The following ASB18 variants were observed in gnomAD, a reference collection of about 807,000 sequenced individuals.
ASB18 encodes the protein ankyrin repeat and SOCS box protein 18.
A neutral mutation model predicts 33.4 loss-of-function variants in ASB18; 33 were observed. The ratio of observed to expected loss-of-function variants is 0.99; its 90% CI spans 0.75 to 1.32. The LOEUF (loss-of-function observed/expected upper bound fraction) is 1.32. Ranked by LOEUF, ASB18 falls within the 40% of genes most tolerant of loss-of-function variation. The pLI is 0.00. For missense variants in ASB18, 694 were observed against 655.5 expected (o/e 1.06, Z -0.64); for synonymous variants, 295 against 307.6 (o/e 0.96, Z 0.43).
rs1335586462 is a variant in ASB18 at position 236,194,846 on chromosome 2, C to T, written c.*26G>A. ...CATGGAAGGTCAGCGAGGAGAACAA[C>T]AGTATTGGTTGCAGCGTTCTGCGTT... On this transcript the variant is annotated 3_prime_UTR_variant, in exon 6 of 6. Transcript: ENST00000409749. This position sits in a 1 kb window ranked among gnomAD's most constrained non-coding sequence, Gnocchi z 4.5. 5 of 1,598,696 alleles carry T rather than the reference C, an allele frequency of 3.1e-6. No homozygotes were observed. The South Asian group carries it at 3.4e-5, about 11-fold the overall frequency.
rs397827646 is a variant in ASB18 at position 236,195,520 on chromosome 2, CTT to C, written c.1216-465_1216-464del. Among the ~76,000 whole-genome samples the C allele has an allele frequency of 2.8e-5, 4 of 144,706 alleles. No individual in the cohort carries two copies. The highest frequency in any genetic ancestry group is 5.1e-5 in the African/African-American group (2 of 39,484). 94.9% of individuals were successfully genotyped at this position (144,706 alleles called of 152,430 possible). A position where few individuals can be genotyped will look rare whatever the true frequency, so the allele number is the denominator to read the frequency against. ...AAACACACACAACTCTTCTCACTCT[CTT>C]TTTTTTTTTTTGAGATGGAGTCTAG... On this transcript the variant is annotated intron_variant, in intron 5 of 5. Transcript: ENST00000409749. The surrounding 1 kb of genome is among the most constrained non-coding windows in gnomAD (Gnocchi z 5.5).
rs1249446633 is a variant in ASB18 at position 236,221,571 on chromosome 2, C to A, written c.597-6705G>T. Among the ~76,000 whole-genome samples the A allele has an allele frequency of 3.3e-5, 5 of 152,174 alleles. No individual in the cohort carries two copies. Among genetic ancestry groups the A allele is most frequent in the African/African-American group, 1.2e-4 (5 of 41,438 alleles). ...GTTCTCATTCTCTCTCTTGCTGCTG[C>A]CTTTCACCTTCCACCTCCCCAGCCA... On this transcript the variant is annotated intron_variant, in intron 3 of 5. Transcript: ENST00000409749. This position sits in a 1 kb window ranked among gnomAD's most constrained non-coding sequence, Gnocchi z 5.6.
At chr2:236,201,338 G>A (rs945869710) in intron 4 of ASB18, among the ~76,000 whole-genome samples, 4 of 151,920 alleles carry the variant, frequency 2.6e-5, no homozygotes, top group African/African-American at 7.3e-5. Flanking sequence ...TTTTTTTGTA[G>A]AGACAAGGTC....
chr2:236,214,690 G>A lies in ASB18; in HGVS notation c.773C>T (p.Ala258Val), dbSNP rs1299574392. The A allele has an allele frequency of 1.7e-6, 2 of 1,144,066 alleles. No individual in the cohort carries two copies. The highest frequency in any genetic ancestry group is 4.9e-5 in the Admixed American group (1 of 20,550). 70.9% of individuals were successfully genotyped at this position (1,144,066 alleles called of 1,614,324 possible). ...GGGCCTCCGCGCCGCACCGCAGGCC[G>A]CGCTCAGAGCCGTCTCTCCGCGGCC... is the stretch of plus-strand genomic sequence containing the variant. ...RNGRGETALS[A>V]ACGAARRPDE... Residue 258 changes from alanine to valine, a missense_variant, in exon 4 of 6, where the codon GCG becomes GTG. Physicochemically the swap from Ala to Val is moderately conservative, Grantham distance 64 (BLOSUM62 0). Coordinates refer to ENST00000409749, the MANE Select transcript of ASB18 (RefSeq NM_212556.4). This position sits in a 1 kb window ranked among gnomAD's most constrained non-coding sequence, Gnocchi z 6.5.
intron 4 of ASB18, among the ~76,000 whole-genome samples, chr2:236,212,476 G>C (rs1176757882): frequency 6.6e-6 from 1 of 152,142 alleles, no homozygotes; most frequent in Non-Finnish European, 1.5e-5. Context: ...GCTAACAAAG[G>C]ATTATTTCTA....
Position 236,260,158 on chromosome 2 carries a change from A to G in ASB18, c.205+3983T>C, listed in dbSNP as rs2060711479. 6.6e-6 allele frequency among the ~76,000 whole-genome samples: 1 copy of G among 152,032 alleles called. No homozygotes were observed. The highest frequency in any genetic ancestry group is 2.4e-5 in the African/African-American group (1 of 41,390). ...ACTTTTCTTTTTCTTATTTTTTCAC[A>G]TTGTCATCTTTAGAATAAAACTCAG... On this transcript the variant is annotated intron_variant, in intron 1 of 5. Transcript: ENST00000409749. This position sits in a 1 kb window ranked among gnomAD's most constrained non-coding sequence, Gnocchi z 5.1.
intron 4 of ASB18, among the ~76,000 whole-genome samples, chr2:236,198,363 A>T (rs2060383997): frequency 6.6e-6 from 1 of 152,084 alleles, no homozygotes; most frequent in South Asian, 2.1e-4. Context: ...ATTTACAAGC[A>T]ATTATCCTTT....
Position 236,262,703 on chromosome 2 carries a change from C to G in ASB18, c.205+1438G>C, listed in dbSNP as rs933147694. Reference sequence around the variant, plus strand: ...TGATGACAACCTCCCCTAAACCCCCCCCAGGGCAATCTTCTAGAGAGATGG... The same window carrying G: ...TGATGACAACCTCCCCTAAACCCCCGCCAGGGCAATCTTCTAGAGAGATGG... On this transcript the variant is annotated intron_variant, in intron 1 of 5. Transcript: ENST00000409749. This position sits in a 1 kb window ranked among gnomAD's most constrained non-coding sequence, Gnocchi z 5.2. 3.3e-5 allele frequency among the ~76,000 whole-genome samples: 5 copies of G among 152,270 alleles called. No individual in the cohort carries two copies. Among genetic ancestry groups the G allele is most frequent in the South Asian group, 2.1e-4 (1 of 4,828 alleles).
rs2060609811 is a variant in ASB18 at position 236,239,131 on chromosome 2, G to A, written c.329-1175C>T. On this transcript the variant is annotated intron_variant, in intron 2 of 5. Coordinates refer to ENST00000409749, the MANE Select transcript of ASB18 (RefSeq NM_212556.4). This position sits in a 1 kb window ranked among gnomAD's most constrained non-coding sequence, Gnocchi z 5.6. ...GAAGACCAGGTCGGATCTGGAGGGG[G>A]TGATGGATGTAGTCTATCTACATTG... Among the ~76,000 whole-genome samples the A allele has an allele frequency of 1.3e-5, 2 of 152,212 alleles. No homozygotes were observed. The highest frequency in any genetic ancestry group is 4.8e-5 in the African/African-American group (2 of 41,454).
intron 4 of ASB18, among the ~76,000 whole-genome samples, chr2:236,212,472 A>G (rs1255994850): frequency 6.6e-6 from 1 of 152,224 alleles, no homozygotes; most frequent in East Asian, 1.9e-4. Context: ...CAAGGCTAAC[A>G]AAGGATTATT....
chr2:236,203,548 G>C lies in ASB18; in HGVS notation c.1102-7163C>G, dbSNP rs12471212. On this transcript the variant is annotated intron_variant, in intron 4 of 5. Coordinates refer to ENST00000409749, the MANE Select transcript of ASB18 (RefSeq NM_212556.4). The surrounding 1 kb of genome is among the most constrained non-coding windows in gnomAD (Gnocchi z 6.0). ...ACTTGCCAGGTATGAGTGGAGGAGA[G>C]GCTGGGTCTGATTTTAATTTTAGAA... is the stretch of plus-strand genomic sequence containing the variant. Among the ~76,000 whole-genome samples, 26,122 of 152,090 alleles carry C rather than the reference G, an allele frequency of 0.17. 2,256 individuals carry two copies. Among genetic ancestry groups the C allele is most frequent in the South Asian group, 0.25 (1,192 of 4,806 alleles).
rs35265987 is a variant in ASB18 at position 236,243,020 on chromosome 2, C to CA, written c.206-1619dup. Among the ~76,000 whole-genome samples the CA allele has an allele frequency of 8.1e-3, 311 of 38,422 alleles. 23 individuals are homozygous for CA. Among genetic ancestry groups the CA allele is most frequent in the African/African-American group, 0.015 (116 of 7,954 alleles). 25.2% of individuals were successfully genotyped at this position (38,422 alleles called of 152,430 possible). ...TGGGCAGTGGAGTGAGACCCTGTCT[C>CA]AAAAAAAAAAAAAAAAAAAAAAAAA... On this transcript the variant is annotated intron_variant, in intron 1 of 5. Coordinates refer to ENST00000409749, the MANE Select transcript of ASB18 (RefSeq NM_212556.4).
At chr2:236,218,699 G>A (rs1206144404) in intron 3 of ASB18, among the ~76,000 whole-genome samples, 1 of 150,886 alleles carries the variant, frequency 6.6e-6, no homozygotes, top group East Asian at 2.0e-4. Flanking sequence ...TGGGGAGGCT[G>A]AGGCAGGAGA....
chr2:236,201,059 C>A (rs2060398628), intron 4 of ASB18, among the ~76,000 whole-genome samples: 1 of 152,022 alleles, frequency 6.6e-6, no homozygotes, highest in Non-Finnish European at 1.5e-5. Context: ...ATAAATTTCC[C>A]TTTGAACGTT....
In ASB18 at chr2:236,245,334, C is replaced by T. The variant is rs556711278; in HGVS notation, c.206-3932G>A. Among the ~76,000 whole-genome samples, 8 of 152,150 alleles carry T rather than the reference C, an allele frequency of 5.3e-5. No individual in the cohort carries two copies. Among genetic ancestry groups the T allele is most frequent in the Non-Finnish European group, 1.0e-4 (7 of 68,028 alleles). ...AGGTTGATACCCTTGATGTCATTTG[C>T]AGGTGAGGAAACTGGGACTCACAGA... is the stretch of plus-strand genomic sequence containing the variant. On this transcript the variant is annotated intron_variant, in intron 1 of 5. Transcript: ENST00000409749. This position sits in a 1 kb window ranked among gnomAD's most constrained non-coding sequence, Gnocchi z 4.7.
At chr2:236,198,040 T>G (rs951697408) in intron 4 of ASB18, among the ~76,000 whole-genome samples, 1 of 152,186 alleles carries the variant, frequency 6.6e-6, no homozygotes, top group African/African-American at 2.4e-5. Flanking sequence ...CTGCCCTGCG[T>G]CATGTCTACT....
In ASB18 at chr2:236,238,099, C is replaced by T. The variant is rs2060604886; in HGVS notation, c.329-143G>A. On this transcript the variant is annotated intron_variant, in intron 2 of 5. Coordinates refer to ENST00000409749, the MANE Select transcript of ASB18 (RefSeq NM_212556.4). The surrounding 1 kb of genome is among the most constrained non-coding windows in gnomAD (Gnocchi z 5.2). ...GCATGTAGGGAGAAGAGGATAGAAT[C>T]AGAGACGCACACAGAGACAGAGAGC... 5.3e-6 allele frequency: 3 copies of T among 561,748 alleles called. No individual in the cohort carries two copies. The African/African-American group carries it at 6.0e-5, about 11-fold the overall frequency. 34.8% of individuals were successfully genotyped at this position (561,748 alleles called of 1,614,324 possible). A position where few individuals can be genotyped will look rare whatever the true frequency, so the allele number is the denominator to read the frequency against.
rs2060709917 is a variant in ASB18 at position 236,259,783 on chromosome 2, A to G, written c.205+4358T>C. ...CAGTTGCCTGTTTAAGAGAATTCTG[A>G]CTGATGGCCATTCTCCTGCCTAATG... On this transcript the variant is annotated intron_variant, in intron 1 of 5. Coordinates refer to ENST00000409749, the MANE Select transcript of ASB18 (RefSeq NM_212556.4). The surrounding 1 kb of genome is among the most constrained non-coding windows in gnomAD (Gnocchi z 4.4). Among the ~76,000 whole-genome samples, 1 of 152,188 alleles carries G rather than the reference A, an allele frequency of 6.6e-6. No homozygotes were observed. Among genetic ancestry groups the G allele is most frequent in the Non-Finnish European group, 1.5e-5 (1 of 68,022 alleles).
Position 236,213,467 on chromosome 2 carries a change from T to C in ASB18, c.1101+895A>G, listed in dbSNP as rs527326073. 6.1e-4 allele frequency among the ~76,000 whole-genome samples: 93 copies of C among 152,296 alleles called. 1 individual carries two copies. Among genetic ancestry groups the C allele is most frequent in the Middle Eastern group, 6.8e-3 (2 of 294 alleles). On this transcript the variant is annotated intron_variant, in intron 4 of 5. Coordinates refer to ENST00000409749, the MANE Select transcript of ASB18 (RefSeq NM_212556.4). The surrounding 1 kb of genome is among the most constrained non-coding windows in gnomAD (Gnocchi z 4.8). The stretch of plus-strand genomic sequence containing the variant: ...CCAAAATATGTCTTATGTCTATGAG[T>C]GATGAGTCTTGGTTGATGGAGATAA...
Sources: allele counts gnomAD v4.1 joint callset (sites outside exome capture counted in the v4.1 genomes callset), GRCh38; gene constraint gnomAD v4.1.1; non-coding constraint Gnocchi (gnomAD v3.1); transcripts MANE v1.5; gene names NCBI Gene and HGNC (gene_info 2026-07-23, HGNC 2026-07-21).